SLC22A15: variants seen among roughly 807,000 people sequenced by gnomAD.
The protein encoded by SLC22A15 is solute carrier family 22 member 15.
In SLC22A15, 45 loss-of-function variants were observed where a neutral mutation model predicts 62.7. That is an observed-to-expected ratio of 0.72 (90% confidence interval 0.56 to 0.92). The LOEUF (loss-of-function observed/expected upper bound fraction) is 0.92, where lower values mean the gene tolerates loss of function less well. Among genes scored for constraint, SLC22A15 ranks in the 40% least tolerant of loss-of-function variants. The pLI is 0.00. For missense variants in SLC22A15, 622 were observed against 665.6 expected (o/e 0.93, Z 0.72); for synonymous variants, 264 against 267.0 (o/e 0.99, Z 0.11).
intron 1 of SLC22A15, among the ~76,000 whole-genome samples, chr1:115,987,605 G>A (rs1393844853): frequency 6.6e-6 from 1 of 152,060 alleles, no homozygotes; most frequent in Non-Finnish European, 1.5e-5. Flanking sequence ...ACTTTGTGCT[G>A]GACACTGGGC....
intron 10 of SLC22A15, among the ~76,000 whole-genome samples, chr1:116,064,902 G>A (rs559822264): frequency 1.3e-5 from 2 of 152,176 alleles, no homozygotes; most frequent in South Asian, 4.2e-4. Flanking sequence ...TGTTACCCCT[G>A]TATTAAATAT....
At chr1:116,000,076 C>T (rs534646790) in intron 2 of SLC22A15, among the ~76,000 whole-genome samples, 7 of 152,102 alleles carry the variant, frequency 4.6e-5, no homozygotes, top group African/African-American at 9.6e-5. Context: ...CTGTATCTTT[C>T]GATTGGAGTT....
chr1:116,000,842 C>G (rs1484480149), intron 2 of SLC22A15, among the ~76,000 whole-genome samples: 1 of 151,950 alleles, frequency 6.6e-6, no homozygotes, highest in African/African-American at 2.4e-5. Context: ...CTGTGTTAGC[C>G]AGGATGGTCT....
chr1:116,055,646 A>G (rs1658183812), intron 8 of SLC22A15, among the ~76,000 whole-genome samples: 1 of 151,854 alleles, frequency 6.6e-6, no homozygotes, highest in Non-Finnish European at 1.5e-5. Flanking sequence ...CATTGATGCA[A>G]AAATCCTCAG....
chr1:116,022,504 A>G (rs1656890647), intron 4 of SLC22A15, among the ~76,000 whole-genome samples: 1 of 152,102 alleles, frequency 6.6e-6, no homozygotes, highest in African/African-American at 2.4e-5. Flanking sequence ...CCATTATAGT[A>G]TTTATATTTG....
chr1:115,988,706 T>A (rs536241839), intron 1 of SLC22A15, among the ~76,000 whole-genome samples: 9 of 128,236 alleles, frequency 7.0e-5, no homozygotes, highest in Admixed American at 3.2e-4. Context: ...TTTTTTTTTG[T>A]ATTTTTAGTA....
chr1:115,990,094 A>G (rs918633949), intron 1 of SLC22A15, among the ~76,000 whole-genome samples: 1 of 152,252 alleles, frequency 6.6e-6, no homozygotes, highest in Non-Finnish European at 1.5e-5. Context: ...AGTGAGCAGC[A>G]AGAAACAGGA....
chr1:116,048,284 G>A (rs1657976358), intron 8 of SLC22A15, among the ~76,000 whole-genome samples: 1 of 152,134 alleles, frequency 6.6e-6, no homozygotes, highest in Admixed American at 6.6e-5. Flanking sequence ...ATTGTCATCA[G>A]GTTATCTAAA....
rs528312917 is a variant in SLC22A15, at chr1:116,031,573, G to A, written c.936G>A (p.Met312Ile). ...TGTTAGGACACACTTTGATCCTGAT[G>A]TTCATCTGGTAATTATACTAAGGCG... ...RVLLGHTLIL[M>I]FIWFVCSLVY... The change falls in exon 6 of 12, where the codon ATG becomes ATA. Residue 312 changes from methionine (M) to isoleucine (I), a missense_variant. Transcript: ENST00000369503. 4 of 1,613,650 alleles carry A rather than the reference G, an allele frequency of 2.5e-6. No individual in the cohort carries two copies. The highest frequency in any genetic ancestry group is 2.2e-5 in the East Asian group (1 of 44,884).
At chr1:116,038,263 C>T (rs985394514) in intron 8 of SLC22A15, among the ~76,000 whole-genome samples, 5 of 152,144 alleles carry the variant, frequency 3.3e-5, no homozygotes, top group East Asian at 1.9e-4. Context: ...GACGATTTGA[C>T]GTAAAGTTTT....
chr1:116,031,592 T>G lies in SLC22A15; in HGVS notation c.944+11T>G. 1 of 1,612,452 alleles carries G rather than the reference T, an allele frequency of 6.2e-7. No homozygotes were observed. The highest frequency in any genetic ancestry group is 8.5e-7 in the Non-Finnish European group (1 of 1,178,938). On this transcript the variant is annotated intron_variant, in intron 6 of 11. Coordinates refer to ENST00000369503, the MANE Select transcript of SLC22A15 (RefSeq NM_018420.3). Reference sequence around the variant, plus strand: ...CCTGATGTTCATCTGGTAATTATACTAAGGCGTGTTCTGTTGCTCTTTAAC... The same window carrying G: ...CCTGATGTTCATCTGGTAATTATACGAAGGCGTGTTCTGTTGCTCTTTAAC...
rs115784202 is a variant in SLC22A15, at chr1:115,995,596, G to A, written c.300+3353G>A. Among the ~76,000 whole-genome samples the A allele has an allele frequency of 5.2e-3, 796 of 152,198 alleles. 9 individuals carry two copies. The highest frequency in any genetic ancestry group is 0.018 in the African/African-American group (745 of 41,530). ...TCCAGCACTTCCATCACATTTACTA[G>A]CTTGCATACTTTCTACTGTAAACAA... On this transcript the variant is annotated intron_variant, in intron 2 of 11. Coordinates refer to ENST00000369503, the MANE Select transcript of SLC22A15 (RefSeq NM_018420.3).
chr1:116,062,423 T>C (rs571961216), intron 8 of SLC22A15, among the ~76,000 whole-genome samples: 1 of 152,070 alleles, frequency 6.6e-6, no homozygotes, highest in Admixed American at 6.5e-5. Flanking sequence ...GAAAGGAGAG[T>C]CAAGTTACAC....
intron 6 of SLC22A15, among the ~76,000 whole-genome samples, chr1:116,033,555 CTCTGTGTGTGTG>C (rs1657513986): frequency 1.0e-5 from 1 of 95,306 alleles, no homozygotes; most frequent in East Asian, 3.1e-4. Flanking sequence ...ATAGGGGTGT[CTCTGTGTGTGTG>C]TGTGTGTGTG....
intron 2 of SLC22A15, among the ~76,000 whole-genome samples, chr1:116,000,107 T>G (rs1557878399): frequency 6.6e-6 from 1 of 152,188 alleles, no homozygotes; most frequent in Non-Finnish European, 1.5e-5. Flanking sequence ...ACATTCAATG[T>G]TATTGTTGAT....
At chr1:115,998,297 A>T (rs1231250532) in intron 2 of SLC22A15, among the ~76,000 whole-genome samples, 2 of 151,796 alleles carry the variant, frequency 1.3e-5, no homozygotes. Context: ...ACTGGCCTCG[A>T]AGGATCATTT....
intron 2 of SLC22A15, among the ~76,000 whole-genome samples, chr1:116,005,180 T>C (rs1655917055): frequency 6.6e-6 from 1 of 152,188 alleles, no homozygotes; most frequent in Non-Finnish European, 1.5e-5. Context: ...TTTATTGGTT[T>C]CTGTTCTTTA....
In SLC22A15 at chr1:116,046,888, C is replaced by T. The variant is rs113296779; in HGVS notation, c.1171+9500C>T. Among the ~76,000 whole-genome samples, 5 of 152,294 alleles carry T rather than the reference C, an allele frequency of 3.3e-5. 1 individual carries two copies. Among genetic ancestry groups the T allele is most frequent in the African/African-American group, 1.2e-4 (5 of 41,564 alleles). The stretch of plus-strand genomic sequence containing the variant: ...AGCAGCAGGGAAGGCCCTGGGAGCT[C>T]GCTGGTTCCCTAAGGAAGCCATTCC... On this transcript the variant is annotated intron_variant, in intron 8 of 11. Transcript: ENST00000369503.
intron 5 of SLC22A15, 106 bp downstream of exon 5, chr1:116,027,128 A>C (rs1027425103): frequency 2.7e-6 from 3 of 1,129,380 alleles, no homozygotes; most frequent in Non-Finnish European, 3.9e-6. Flanking sequence ...GCTTGCCTGC[A>C]CTGACTTTGG....
Sources: allele counts gnomAD v4.1 joint callset (sites outside exome capture counted in the v4.1 genomes callset), GRCh38; gene constraint gnomAD v4.1.1; transcripts MANE v1.5; gene names NCBI Gene and HGNC (gene_info 2026-07-23, HGNC 2026-07-21).